CBL: variants seen among roughly 807,000 people sequenced by gnomAD.
CBL encodes E3 ubiquitin-protein ligase CBL.
In CBL, 45 loss-of-function variants were observed where a neutral mutation model predicts 96.9. That is an observed-to-expected ratio of 0.46 (90% CI 0.37 to 0.60). The LOEUF is 0.60. Ranked by LOEUF, CBL falls within the 20% of genes least tolerant of loss-of-function variation. The pLI is 0.00. For missense variants in CBL, 1,024 were observed against 1,143.5 expected (o/e 0.90, Z 1.51); for synonymous variants, 420 against 426.8 (o/e 0.98, Z 0.20).
At chr11:119,210,673 T>C (rs1353410595) in intron 1 of CBL, among the ~76,000 whole-genome samples, 1 of 142,302 alleles carries the variant, frequency 7.0e-6, no homozygotes, top group Non-Finnish European at 1.5e-5. Flanking sequence ...GCTCTCGAAC[T>C]CCTGGCCTCA....
intron 2 of CBL, among the ~76,000 whole-genome samples, chr11:119,264,455 C>CTT (rs1949783930): frequency 7.2e-6 from 1 of 139,388 alleles, no homozygotes; most frequent in African/African-American, 2.7e-5. Context: ...CTCTTCTCTT[C>CTT]TCTTCTCTTT....
chr11:119,207,913 A>G (rs1949287299), intron 1 of CBL, among the ~76,000 whole-genome samples: 1 of 152,210 alleles, frequency 6.6e-6, no homozygotes, highest in Non-Finnish European at 1.5e-5. Flanking sequence ...GCACTTAGCC[A>G]ATGTAATGTG....
At chr11:119,241,435 T>A (rs1284142411) in intron 2 of CBL, among the ~76,000 whole-genome samples, 1 of 152,138 alleles carries the variant, frequency 6.6e-6, no homozygotes, top group Non-Finnish European at 1.5e-5. Flanking sequence ...GGAAAAAAAA[T>A]TAGTATTGAG....
At chr11:119,285,898 A>G (rs1320574865) in intron 11 of CBL, among the ~76,000 whole-genome samples, 1 of 152,150 alleles carries the variant, frequency 6.6e-6, no homozygotes, top group Non-Finnish European at 1.5e-5. Flanking sequence ...CCTGTCTTGA[A>G]AAAAAAGAAG....
Position 119,212,372 on chromosome 11 carries a change from T to G in CBL, c.195+5760T>G, listed in dbSNP as rs573164386. 1.6e-3 allele frequency among the ~76,000 whole-genome samples: 249 copies of G among 152,036 alleles called. 1 individual carries two copies. Among genetic ancestry groups the G allele is most frequent in the African/African-American group, 5.6e-3 (234 of 41,492 alleles). ...GGTGTGTGGTGGCTCATGCTTATAA[T>G]CCCAGCACTTTGGGAGGCTGAGGTG... On this transcript the variant is annotated intron_variant, in intron 1 of 15. Coordinates refer to ENST00000264033, the MANE Select transcript of CBL (RefSeq NM_005188.4).
Position 119,225,073 on chromosome 11 carries a change from T to TGC in CBL, c.196-7368_196-7367dup, listed in dbSNP as rs1176578172. ...GGGTGTGTGTGTGTGTGTGTGTGTGTGCGCGCGCTTGTATGTATGCATGTA... is the reference window on the plus strand; with the variant it reads ...GGGTGTGTGTGTGTGTGTGTGTGTGTGCGCGCGCGCTTGTATGTATGCATGTA... On this transcript the variant is annotated intron_variant, in intron 1 of 15. Transcript: ENST00000264033. 4.8e-3 allele frequency among the ~76,000 whole-genome samples: 728 copies of TGC among 151,264 alleles called. 7 individuals carry two copies. Among genetic ancestry groups the TGC allele is most frequent in the African/African-American group, 0.016 (655 of 41,248 alleles).
rs1020279607 is a variant in CBL, at chr11:119,275,090, G to A, written c.869+137G>A. ...CAATAGGATTGATACCTGTTTATCA[G>A]ACGTATTGACTTAATTCAGATCCTA... On this transcript the variant is annotated intron_variant, in intron 5 of 15. Transcript: ENST00000264033. The A allele has an allele frequency of 1.0e-5, 9 of 858,314 alleles. No individual in the cohort carries two copies. In the African/African-American group the frequency reaches 1.3e-4, roughly 13 times the overall value. 53.2% of individuals were successfully genotyped at this position (858,314 alleles called of 1,614,324 possible). A position where few individuals can be genotyped will look rare whatever the true frequency, so the allele number is the denominator to read the frequency against.
At chr11:119,286,398 C>G (rs1309554689) in intron 11 of CBL, among the ~76,000 whole-genome samples, 2 of 152,022 alleles carry the variant, frequency 1.3e-5, no homozygotes, top group African/African-American at 4.8e-5. Flanking sequence ...AACTAGAAAA[C>G]ACTTAAGTTT....
chr11:119,211,735 C>T (rs1368357858), intron 1 of CBL, among the ~76,000 whole-genome samples: 3 of 152,008 alleles, frequency 2.0e-5, no homozygotes, highest in South Asian at 4.2e-4. Flanking sequence ...AACTCCTGAC[C>T]TCAAGTGATC....
intron 9 of CBL, among the ~76,000 whole-genome samples, chr11:119,282,492 A>C (rs1227606775): frequency 1.3e-5 from 2 of 152,216 alleles, no homozygotes; most frequent in African/African-American, 4.8e-5. Context: ...GATTTAAAGA[A>C]TGATACGGAA....
intron 12 of CBL, among the ~76,000 whole-genome samples, chr11:119,295,854 GT>G (rs1352043505): frequency 6.6e-6 from 1 of 152,106 alleles, no homozygotes; most frequent in African/African-American, 2.4e-5. Flanking sequence ...TATTATACTT[GT>G]TTTATCAGAC....
chr11:119,247,231 G>T (rs1333908163), intron 2 of CBL, among the ~76,000 whole-genome samples: 1 of 152,104 alleles, frequency 6.6e-6, no homozygotes, highest in Non-Finnish European at 1.5e-5. Context: ...TAACTTGATG[G>T]TGAAAGACTG....
chr11:119,248,828 A>G (rs183407710), intron 2 of CBL, among the ~76,000 whole-genome samples: 14 of 152,352 alleles, frequency 9.2e-5, no homozygotes, highest in Admixed American at 8.5e-4. Flanking sequence ...AGTTTTGAAT[A>G]GATTTTTCTT....
intron 1 of CBL, among the ~76,000 whole-genome samples, chr11:119,219,055 TA>T (rs1326638553): frequency 6.6e-6 from 1 of 151,580 alleles, no homozygotes; most frequent in African/African-American, 2.4e-5. Flanking sequence ...TTCTTTATTT[TA>T]AAAAAAAATT....
At chr11:119,276,921 C>A (rs1949893281) in intron 6 of CBL, among the ~76,000 whole-genome samples, 1 of 152,080 alleles carries the variant, frequency 6.6e-6, no homozygotes, top group African/African-American at 2.4e-5. Flanking sequence ...AACCTGTAAA[C>A]CTTCTTTGAT....
At chr11:119,297,566 C>T (rs1950073114) in intron 14 of CBL, 85 bp downstream of exon 14, 2 of 1,015,520 alleles carry the variant, frequency 2.0e-6, no homozygotes, top group Non-Finnish European at 1.5e-6. Flanking sequence ...ATAGCTTGAT[C>T]TAAGCTCAAA....
At chr11:119,267,341 G>A (rs1245121816) in intron 2 of CBL, among the ~76,000 whole-genome samples, 1 of 152,102 alleles carries the variant, frequency 6.6e-6, no homozygotes, top group Non-Finnish European at 1.5e-5. Context: ...ATAACTTTTT[G>A]TTTGTGTGGC....
intron 2 of CBL, among the ~76,000 whole-genome samples, chr11:119,250,403 C>T (rs1369715446): frequency 6.6e-6 from 1 of 152,166 alleles, no homozygotes; most frequent in African/African-American, 2.4e-5. Flanking sequence ...CTCTGTAGCT[C>T]TTCAAAGCTG....
At chr11:119,287,745 G>T in intron 11 of CBL, 107 bp from the exon 12 acceptor site, 2 of 776,960 alleles carry the variant, frequency 2.6e-6, no homozygotes, top group South Asian at 1.4e-5. Context: ...GCATGGCATT[G>T]AGAGTTAGGT....
Sources: allele counts gnomAD v4.1 joint callset (sites outside exome capture counted in the v4.1 genomes callset), GRCh38; gene constraint gnomAD v4.1.1; transcripts MANE v1.5; gene names NCBI Gene and HGNC (gene_info 2026-07-23, HGNC 2026-07-21).